FGF10: variants seen among roughly 807,000 people sequenced by gnomAD.
FGF10 encodes the protein FGF-10.
FGF10 carries 2 observed loss-of-function variants against 19.8 expected under a neutral mutation model. That is an observed-to-expected ratio of 0.10 (90% CI 0.04 to 0.32). The LOEUF (loss-of-function observed/expected upper bound fraction) is 0.32, where lower values mean the gene tolerates loss of function less well. Ranked by LOEUF, FGF10 falls within the 10% of genes least tolerant of loss-of-function variation. The pLI is 1.00. For synonymous variants in FGF10, 112 were observed against 94.0 expected (o/e 1.19, Z -1.10); for missense variants, 191 against 246.3 (o/e 0.78, Z 1.50).
At chr5:44,318,082 C>CA (rs1168401046) in intron 1 of FGF10, among the ~76,000 whole-genome samples, 2 of 151,852 alleles carry the variant, frequency 1.3e-5, no homozygotes, top group African/African-American at 2.4e-5. Context: ...AGCAAACAAA[C>CA]AAAAAAACAA....
intron 1 of FGF10, among the ~76,000 whole-genome samples, chr5:44,311,176 G>T (rs544367424): frequency 6.1e-5 from 9 of 147,206 alleles, no homozygotes; most frequent in Admixed American, 4.8e-4. Flanking sequence ...GATTTTTAAG[G>T]TTTTTTTTTT....
At chr5:44,381,400 A>T (rs1378796689) in intron 1 of FGF10, among the ~76,000 whole-genome samples, 1 of 152,202 alleles carries the variant, frequency 6.6e-6, no homozygotes, top group Non-Finnish European at 1.5e-5. Context: ...TTGGGTGCCA[A>T]GTAATACTAA....
rs540428298 is a variant in FGF10 at position 44,379,852 on chromosome 5, T to C, written c.325+8506A>G. On this transcript the variant is annotated intron_variant, in intron 1 of 2. Coordinates refer to ENST00000264664, the MANE Select transcript of FGF10 (RefSeq NM_004465.2). ...TCCTCCTCCTTTCACAGTATGTGTC[T>C]AAACACTCTAGGGCCTCTTCTCTTT... 5.9e-5 allele frequency among the ~76,000 whole-genome samples: 9 copies of C among 152,328 alleles called. No individual in the cohort carries two copies. In the South Asian group the frequency reaches 1.5e-3, roughly 25 times the overall value.
At chr5:44,314,869 T>C (rs900790850) in intron 1 of FGF10, among the ~76,000 whole-genome samples, 3 of 152,096 alleles carry the variant, frequency 2.0e-5, no homozygotes, top group African/African-American at 7.2e-5. Flanking sequence ...CTAAATATTT[T>C]TCCATAAACA....
At chr5:44,310,939 A>G (rs1350131710) in intron 1 of FGF10, among the ~76,000 whole-genome samples, 1 of 152,158 alleles carries the variant, frequency 6.6e-6, no homozygotes, top group East Asian at 1.9e-4. Flanking sequence ...AATCTGTAGC[A>G]CATGTCAATA....
At chr5:44,327,168 T>C (rs747760094) in intron 1 of FGF10, among the ~76,000 whole-genome samples, 3 of 152,168 alleles carry the variant, frequency 2.0e-5, no homozygotes, top group Non-Finnish European at 4.4e-5. Flanking sequence ...CTCAAAATAA[T>C]AAACGTGTAC....
chr5:44,378,089 G>T (rs771083042), intron 1 of FGF10, among the ~76,000 whole-genome samples: 7 of 152,112 alleles, frequency 4.6e-5, no homozygotes, highest in Non-Finnish European at 8.8e-5. Context: ...ATGTGTTGGG[G>T]GTAACTAGGC....
intron 1 of FGF10, among the ~76,000 whole-genome samples, chr5:44,325,263 AG>A (rs1206784993): frequency 6.6e-6 from 1 of 152,156 alleles, no homozygotes; most frequent in Non-Finnish European, 1.5e-5. Flanking sequence ...GTGGAGAAAT[AG>A]GAACACTTTT....
In FGF10 at chr5:44,300,636, T is replaced by C. The variant is rs993699251; in HGVS notation, c.*4359A>G. On this transcript the variant is annotated 3_prime_UTR_variant, in exon 3 of 3. Transcript: ENST00000264664. ...TTGGAATTGGTGGGAAATATAGGAATAGAAAATGTTTTTATGTCACAGCTT... is the reference window on the plus strand; with the variant it reads ...TTGGAATTGGTGGGAAATATAGGAACAGAAAATGTTTTTATGTCACAGCTT... 6.6e-6 allele frequency among the ~76,000 whole-genome samples: 1 copy of C among 152,144 alleles called. No individual in the cohort carries two copies. Among genetic ancestry groups the C allele is most frequent in the African/African-American group, 2.4e-5 (1 of 41,442 alleles).
At chr5:44,326,039 C>A (rs943850634) in intron 1 of FGF10, among the ~76,000 whole-genome samples, 2 of 151,946 alleles carry the variant, frequency 1.3e-5, no homozygotes, top group African/African-American at 4.8e-5. Context: ...GGTCAAAAAG[C>A]ATTTAAAAAT....
At position 44,303,036 on chromosome 5, in the gene FGF10, T is replaced by C. The variant is rs900509833; in HGVS notation, c.*1959A>G. Among the ~76,000 whole-genome samples the C allele has an allele frequency of 9.9e-5, 15 of 152,170 alleles. No homozygotes were observed. The highest frequency in any genetic ancestry group is 2.2e-4 in the Non-Finnish European group (15 of 68,030). ...CTCACAGACTGAGTTACCAATTAAA[T>C]TTTAACATCCAGATTCCAACCACAA... On this transcript the variant is annotated 3_prime_UTR_variant, in exon 3 of 3. Coordinates refer to ENST00000264664, the MANE Select transcript of FGF10 (RefSeq NM_004465.2).
Position 44,388,862 on chromosome 5 carries a change from AC to A in FGF10, c.-181del. The A allele has an allele frequency of 1.5e-6, 1 of 671,124 alleles. No individual in the cohort carries two copies. The highest frequency in any genetic ancestry group is 2.7e-6 in the Non-Finnish European group (1 of 369,692). The allele number at this position is 671,124 out of a possible 1,614,324, so 41.6% of individuals were successfully genotyped here. On this transcript the variant is annotated 5_prime_UTR_variant, in exon 1 of 3. Transcript: ENST00000264664. The stretch of plus-strand genomic sequence containing the variant: ...CATAACTCCTCGGAAAAGCCGGCTG[AC>A]TCCCCTCGCTCCTTTCTCGGATCCG...
intron 2 of FGF10, among the ~76,000 whole-genome samples, chr5:44,307,058 G>A (rs1740093208): frequency 6.6e-6 from 1 of 152,134 alleles, no homozygotes; most frequent in South Asian, 2.1e-4. Context: ...GATTGTTTGA[G>A]GTGATTTCAT....
intron 1 of FGF10, among the ~76,000 whole-genome samples, chr5:44,385,287 C>A (rs1742072423): frequency 3.9e-5 from 6 of 152,006 alleles, no homozygotes; most frequent in Admixed American, 3.9e-4. Context: ...ATAATAATCA[C>A]CCATATAGAG....
chr5:44,339,081 C>G (rs1267773472), intron 1 of FGF10, among the ~76,000 whole-genome samples: 1 of 152,106 alleles, frequency 6.6e-6, no homozygotes, highest in Non-Finnish European at 1.5e-5. Flanking sequence ...GCGATCAAAG[C>G]ACACAATGAA....
intron 1 of FGF10, among the ~76,000 whole-genome samples, chr5:44,348,715 G>T (rs1741145948): frequency 6.6e-6 from 1 of 151,340 alleles, no homozygotes. Flanking sequence ...GCAATATTTT[G>T]GACATATTTA....
At chr5:44,305,716 T>A (rs1266904525) in intron 2 of FGF10, among the ~76,000 whole-genome samples, 1 of 152,124 alleles carries the variant, frequency 6.6e-6, no homozygotes, top group Non-Finnish European at 1.5e-5. Flanking sequence ...TAGTTCTGCA[T>A]AACCAAAAGG....
chr5:44,361,626 C>G (rs1354399555), intron 1 of FGF10, among the ~76,000 whole-genome samples: 1 of 151,638 alleles, frequency 6.6e-6, no homozygotes, highest in Non-Finnish European at 1.5e-5. Flanking sequence ...TGTTTAGGAG[C>G]TGAGCCAGGG....
chr5:44,382,982 C>T (rs1041682449), intron 1 of FGF10, among the ~76,000 whole-genome samples: 1 of 152,044 alleles, frequency 6.6e-6, no homozygotes, highest in East Asian at 1.9e-4. Context: ...TCACTTTGAA[C>T]TAATACACAT....
Sources: allele counts gnomAD v4.1 joint callset (sites outside exome capture counted in the v4.1 genomes callset), GRCh38; gene constraint gnomAD v4.1.1; transcripts MANE v1.5; gene names NCBI Gene and HGNC (gene_info 2026-07-23, HGNC 2026-07-21).